The following KCNH7 variants were observed in gnomAD, a reference collection of about 807,000 sequenced individuals.
KCNH7 encodes the protein voltage-gated inwardly rectifying potassium channel KCNH7.
A neutral mutation model predicts 120.8 loss-of-function variants in KCNH7; 49 were observed. The observed-to-expected ratio is 0.41, with a 90% confidence interval of 0.32 to 0.51. The LOEUF (loss-of-function observed/expected upper bound fraction) is 0.51. Among genes scored for constraint, KCNH7 ranks in the 20% least tolerant of loss-of-function variants. KCNH7 has a pLI of 0.38. For synonymous variants in KCNH7, 547 were observed against 516.1 expected (o/e 1.06, Z -0.81); for missense variants, 1,097 against 1,446.6 (o/e 0.76, Z 3.92).
In KCNH7 at chr2:162,615,076, G is replaced by T. The variant is rs1306899303; in HGVS notation, c.308-77996C>A. Reference sequence around the variant, plus strand: ...GAAGAATTTGGGTTCTCACTCCACAGAACTTCAAATTGTGTGCTTTTAATA... The same window carrying T: ...GAAGAATTTGGGTTCTCACTCCACATAACTTCAAATTGTGTGCTTTTAATA... On this transcript the variant is annotated intron_variant, in intron 2 of 15. Transcript: ENST00000332142. 2.0e-5 allele frequency among the ~76,000 whole-genome samples: 3 copies of T among 152,144 alleles called. No individual in the cohort carries two copies. The East Asian group carries it at 5.8e-4, about 29-fold the overall frequency.
chr2:162,649,803 C>A (rs76269409), intron 2 of KCNH7, among the ~76,000 whole-genome samples: 1 of 152,002 alleles, frequency 6.6e-6, no homozygotes, highest in African/African-American at 2.4e-5. Flanking sequence ...GGTCAGTAAC[C>A]GAGTATAATT....
intron 2 of KCNH7, among the ~76,000 whole-genome samples, chr2:162,625,299 C>CTT (rs1273881299): frequency 2.6e-5 from 4 of 151,732 alleles, no homozygotes; most frequent in African/African-American, 9.7e-5. Flanking sequence ...GGGGCTTCTA[C>CTT]TTTTTAATCT....
chr2:162,447,623 G>A (rs1688626954), intron 6 of KCNH7, among the ~76,000 whole-genome samples: 1 of 152,052 alleles, frequency 6.6e-6, no homozygotes, highest in South Asian at 2.1e-4. Context: ...TACATCATCA[G>A]CTTTGCAGCA....
At chr2:162,574,259 G>C (rs183847243) in intron 2 of KCNH7, among the ~76,000 whole-genome samples, 1 of 152,186 alleles carries the variant, frequency 6.6e-6, no homozygotes, top group Admixed American at 6.6e-5. Flanking sequence ...CGGCTTGGGA[G>C]AGCTTGGGCT....
chr2:162,836,505 A>C, intron 2 of KCNH7, 32 bp downstream of exon 2: 1 of 1,559,218 alleles, frequency 6.4e-7, no homozygotes, highest in Non-Finnish European at 8.8e-7. Context: ...AATGGGATCA[A>C]ATAGAAGGAA....
At chr2:162,586,155 GTGACATCAC>G (rs1694013371) in intron 2 of KCNH7, among the ~76,000 whole-genome samples, 1 of 151,994 alleles carries the variant, frequency 6.6e-6, no homozygotes, top group Admixed American at 6.6e-5. Context: ...CATTTTCAAT[GTGACATCAC>G]TGCTTTACCC....
At chr2:162,509,347 C>A (rs949251068) in intron 5 of KCNH7, among the ~76,000 whole-genome samples, 1 of 151,224 alleles carries the variant, frequency 6.6e-6, no homozygotes, top group Admixed American at 6.6e-5. Context: ...TTTTGGAGGG[C>A]CAAATGTGAT....
intron 2 of KCNH7, among the ~76,000 whole-genome samples, chr2:162,787,445 C>T (rs559123948): frequency 3.2e-4 from 48 of 152,274 alleles, no homozygotes; most frequent in Admixed American, 1.1e-3. Context: ...AACCCGGTGC[C>T]AGGCCAGCCT....
At chr2:162,722,920 G>GA (rs1273079578) in intron 2 of KCNH7, among the ~76,000 whole-genome samples, 1 of 140,004 alleles carries the variant, frequency 7.1e-6, no homozygotes, top group Non-Finnish European at 1.5e-5. Flanking sequence ...ATCTTCTAGT[G>GA]AATGTTTCAA....
intron 2 of KCNH7, among the ~76,000 whole-genome samples, chr2:162,835,487 T>C (rs983971878): frequency 6.6e-6 from 1 of 151,988 alleles, no homozygotes; most frequent in Non-Finnish European, 1.5e-5. Context: ...CCCCTCTGCC[T>C]CAGTAATTTC....
At chr2:162,495,843 G>A (rs1690478519) in intron 6 of KCNH7, among the ~76,000 whole-genome samples, 1 of 152,070 alleles carries the variant, frequency 6.6e-6, no homozygotes, top group South Asian at 2.1e-4. Context: ...AAATCCTGGA[G>A]GTTTTTTTGT....
chr2:162,530,461 C>T (rs768133611), intron 3 of KCNH7, among the ~76,000 whole-genome samples: 7 of 150,066 alleles, frequency 4.7e-5, no homozygotes, highest in African/African-American at 1.0e-4. Context: ...CTAGTGTGCG[C>T]GAGCGTGCGC....
At chr2:162,498,756 A>C (rs1200380858) in intron 6 of KCNH7, among the ~76,000 whole-genome samples, 1 of 152,048 alleles carries the variant, frequency 6.6e-6, no homozygotes, top group Non-Finnish European at 1.5e-5. Context: ...CTTCTCCCCA[A>C]ATTACTAACT....
chr2:162,406,968 A>T (rs957531458), intron 9 of KCNH7, among the ~76,000 whole-genome samples: 1 of 152,000 alleles, frequency 6.6e-6, no homozygotes, highest in South Asian at 2.1e-4. Flanking sequence ...GTGAACTCTT[A>T]TAGGTGTTTT....
intron 6 of KCNH7, among the ~76,000 whole-genome samples, chr2:162,479,769 T>G (rs1244734155): frequency 1.3e-5 from 2 of 151,886 alleles, no homozygotes; most frequent in African/African-American, 2.4e-5. Context: ...AGAAATAATA[T>G]TTTTACCTAC....
chr2:162,523,676 T>C (rs960415650), intron 3 of KCNH7, among the ~76,000 whole-genome samples: 1 of 151,874 alleles, frequency 6.6e-6, no homozygotes, highest in African/African-American at 2.4e-5. Flanking sequence ...CATATAGGGA[T>C]ATTAGAAACA....
At chr2:162,702,596 A>G (rs975086367) in intron 2 of KCNH7, among the ~76,000 whole-genome samples, 1 of 152,224 alleles carries the variant, frequency 6.6e-6, no homozygotes, top group Non-Finnish European at 1.5e-5. Flanking sequence ...GTGATAGGAA[A>G]GAATTTAAGA....
intron 2 of KCNH7, among the ~76,000 whole-genome samples, chr2:162,833,394 A>G (rs940817257): frequency 6.6e-6 from 1 of 152,138 alleles, no homozygotes; most frequent in African/African-American, 2.4e-5. Context: ...GTGTTTTTAA[A>G]TGAATGTATT....
At chr2:162,654,463 T>C (rs1399653886) in intron 2 of KCNH7, among the ~76,000 whole-genome samples, 1 of 151,792 alleles carries the variant, frequency 6.6e-6, no homozygotes, top group African/African-American at 2.4e-5. Context: ...CTCCTACCTA[T>C]TAAAATGGTT....
Sources: allele counts gnomAD v4.1 joint callset (sites outside exome capture counted in the v4.1 genomes callset), GRCh38; gene constraint gnomAD v4.1.1; transcripts MANE v1.5; gene names NCBI Gene and HGNC (gene_info 2026-07-23, HGNC 2026-07-21).